CNTNAP2: variants seen among roughly 807,000 people sequenced by gnomAD.
CNTNAP2 encodes the protein contactin associated protein 2, also known as contactin-associated protein-like 2.
A neutral mutation model predicts 155.2 loss-of-function variants in CNTNAP2; 98 were observed. The ratio of observed to expected loss-of-function variants is 0.63; its 90% CI spans 0.54 to 0.75. CNTNAP2 has a LOEUF of 0.75. Among genes scored for constraint, CNTNAP2 ranks in the 30% least tolerant of loss-of-function variants. CNTNAP2 has a pLI of 0.00. For synonymous variants in CNTNAP2, 651 were observed against 631.2 expected (o/e 1.03, Z -0.47); for missense variants, 1,727 against 1,688.1 (o/e 1.02, Z -0.40).
chr7:148,284,086 G>A (rs1797037641), intron 21 of CNTNAP2, among the ~76,000 whole-genome samples: 2 of 152,192 alleles, frequency 1.3e-5, no homozygotes, highest in Admixed American at 6.5e-5. Flanking sequence ...TGAATATGAT[G>A]ATACATTATG....
At chr7:147,100,092 C>A (rs114465826) in intron 4 of CNTNAP2, among the ~76,000 whole-genome samples, 2 of 151,884 alleles carry the variant, frequency 1.3e-5, no homozygotes, top group African/African-American at 4.8e-5. Flanking sequence ...TGGATGAGAG[C>A]GAGGACAGAA....
chr7:146,161,663 T>C (rs1359030864), intron 1 of CNTNAP2, among the ~76,000 whole-genome samples: 7 of 152,152 alleles, frequency 4.6e-5, no homozygotes, highest in South Asian at 4.1e-4. Context: ...AAAAAACTAC[T>C]TTAAAGTTCA....
chr7:148,220,633 A>AT (rs1795731017), intron 19 of CNTNAP2, among the ~76,000 whole-genome samples: 1 of 75,934 alleles, frequency 1.3e-5, no homozygotes. Context: ...ATATAGGGAT[A>AT]GAAAAAAAAA....
At chr7:148,172,102 T>A in intron 17 of CNTNAP2, 140 bp from the exon 18 acceptor site, 7 of 855,746 alleles carry the variant, frequency 8.2e-6, no homozygotes, top group Non-Finnish European at 1.4e-5. Flanking sequence ...ACTTTCTCTA[T>A]TTAGATAGGA....
chr7:147,260,157 C>G (rs1804424517), intron 8 of CNTNAP2, among the ~76,000 whole-genome samples: 2 of 152,228 alleles, frequency 1.3e-5, no homozygotes, highest in South Asian at 4.1e-4. Context: ...TGAGCCATAT[C>G]TAACAAAAGC....
chr7:147,358,940 G>A (rs1052046807), intron 9 of CNTNAP2, among the ~76,000 whole-genome samples: 10 of 152,018 alleles, frequency 6.6e-5, no homozygotes, highest in African/African-American at 9.7e-5. Context: ...GCAGACATAC[G>A]GTTTTGGGCA....
At chr7:146,375,768 G>A (rs114730776) in intron 1 of CNTNAP2, among the ~76,000 whole-genome samples, 6 of 152,100 alleles carry the variant, frequency 3.9e-5, no homozygotes, top group Admixed American at 6.6e-5. Context: ...CGATTTCATC[G>A]TGTGACCCAG....
chr7:148,256,261 A>G (rs1796451850), intron 20 of CNTNAP2, among the ~76,000 whole-genome samples: 1 of 152,154 alleles, frequency 6.6e-6, no homozygotes, highest in African/African-American at 2.4e-5. Context: ...GTGGTACCCT[A>G]GAGTTGTATC....
At chr7:146,457,006 T>G (rs186094209) in intron 1 of CNTNAP2, among the ~76,000 whole-genome samples, 1 of 152,144 alleles carries the variant, frequency 6.6e-6, no homozygotes, top group Non-Finnish European at 1.5e-5. Flanking sequence ...TTTAAATGTA[T>G]TTTTTTCAAA....
intron 8 of CNTNAP2, among the ~76,000 whole-genome samples, chr7:147,159,696 T>C (rs764936618): frequency 1.3e-5 from 2 of 152,124 alleles, no homozygotes; most frequent in African/African-American, 2.4e-5. Flanking sequence ...AATTCTCTTA[T>C]GTAATATGAC....
intron 8 of CNTNAP2, among the ~76,000 whole-genome samples, chr7:147,200,047 G>A (rs1213121083): frequency 6.6e-6 from 1 of 151,940 alleles, no homozygotes; most frequent in Non-Finnish European, 1.5e-5. Context: ...CAGATCCTCA[G>A]CCAGTTTCCC....
chr7:147,641,436 A>G (rs961980978), intron 13 of CNTNAP2, among the ~76,000 whole-genome samples: 9 of 152,120 alleles, frequency 5.9e-5, no homozygotes, highest in Admixed American at 3.9e-4. Flanking sequence ...TTTAGTGGGC[A>G]TTACAATACC....
At chr7:147,246,494 A>C (rs1804072919) in intron 8 of CNTNAP2, among the ~76,000 whole-genome samples, 1 of 152,186 alleles carries the variant, frequency 6.6e-6, no homozygotes, top group South Asian at 2.1e-4. Flanking sequence ...TTTCTTGGTT[A>C]GTAGAGAGTT....
At chr7:147,193,455 G>T (rs928597494) in intron 8 of CNTNAP2, among the ~76,000 whole-genome samples, 1 of 152,170 alleles carries the variant, frequency 6.6e-6, no homozygotes, top group Non-Finnish European at 1.5e-5. Flanking sequence ...ACTAGGCTAA[G>T]CCCTGGAAAC....
intron 1 of CNTNAP2, among the ~76,000 whole-genome samples, chr7:146,133,953 A>T (rs1441039943): frequency 6.6e-6 from 1 of 151,198 alleles, no homozygotes; most frequent in Non-Finnish European, 1.5e-5. Flanking sequence ...CTGTGAAGAA[A>T]GGCATTGGTA....
intron 1 of CNTNAP2, among the ~76,000 whole-genome samples, chr7:146,195,972 A>G (rs1174741881): frequency 6.6e-6 from 1 of 152,172 alleles, no homozygotes; most frequent in Non-Finnish European, 1.5e-5. Flanking sequence ...GAGATCCATC[A>G]TCCATGGCAG....
At chr7:146,450,025 A>AT (rs1192085274) in intron 1 of CNTNAP2, among the ~76,000 whole-genome samples, 1 of 152,204 alleles carries the variant, frequency 6.6e-6, no homozygotes, top group Non-Finnish European at 1.5e-5. Flanking sequence ...GTTCCTCAGT[A>AT]TATCCTTACA....
At chr7:147,754,066 G>T (rs1433519799) in intron 13 of CNTNAP2, among the ~76,000 whole-genome samples, 1 of 151,956 alleles carries the variant, frequency 6.6e-6, no homozygotes, top group Non-Finnish European at 1.5e-5. Context: ...GAGGCAAATG[G>T]TGTCATCTAA....
chr7:148,309,457 G>A (rs1340292461), intron 21 of CNTNAP2, among the ~76,000 whole-genome samples: 1 of 152,234 alleles, frequency 6.6e-6, no homozygotes, highest in Non-Finnish European at 1.5e-5. Context: ...CAGGCTTTGT[G>A]TGAGCAACAA....
Sources: allele counts gnomAD v4.1 joint callset (sites outside exome capture counted in the v4.1 genomes callset), GRCh38; gene constraint gnomAD v4.1.1; transcripts MANE v1.5; gene names NCBI Gene and HGNC (gene_info 2026-07-23, HGNC 2026-07-21).